Variants in ALDH2 observed in about 807,000 individuals in gnomAD.
The protein encoded by ALDH2 is aldehyde dehydrogenase, mitochondrial.
In ALDH2, 44 loss-of-function variants were observed where a neutral mutation model predicts 59.6. The observed-to-expected ratio is 0.74, with a 90% CI of 0.58 to 0.95. The LOEUF (loss-of-function observed/expected upper bound fraction) is 0.95, where lower values mean the gene tolerates loss of function less well. Among genes scored for constraint, ALDH2 ranks in the 40% least tolerant of loss-of-function variants. ALDH2 has a pLI of 0.00. For missense variants in ALDH2, 570 were observed against 696.3 expected (o/e 0.82, Z 2.04); for synonymous variants, 291 against 284.0 (o/e 1.02, Z -0.25).
chr12:111,792,594 G>T lies in ALDH2; in HGVS notation c.899-4G>T. ...CCTTTCTGTCTCCTGCCCACTTCCCGCAGTGGATTGGGCCGTGGAACAGGC... is the reference window on the plus strand; with the variant it reads ...CCTTTCTGTCTCCTGCCCACTTCCCTCAGTGGATTGGGCCGTGGAACAGGC... On this transcript the variant is annotated splice_polypyrimidine_tract_variant and splice_region_variant and intron_variant, in intron 8 of 12. Transcript: ENST00000261733. 6.2e-7 allele frequency: 1 copy of T among 1,609,680 alleles called. No individual in the cohort carries two copies. The highest frequency in any genetic ancestry group is 8.5e-7 in the Non-Finnish European group (1 of 1,178,864).
chr12:111,800,939 A>G (rs1429587804), intron 11 of ALDH2, among the ~76,000 whole-genome samples: 2 of 152,222 alleles, frequency 1.3e-5, no homozygotes, highest in Non-Finnish European at 2.9e-5. Flanking sequence ...CTGTAGATGA[A>G]TGGATACAGA....
In ALDH2 at chr12:111,792,719, TG is replaced by T; in HGVS notation, c.1021del (p.Ala341ProfsTer70). ...ATGATGAGTTTGTGGAGCGGAGCGT[TG>T]CCCGGGCCAAGTCTCGGGTGGTCGG... ...IYDEFVERSV[A>X]RAKSRVVGNP... On this transcript the variant is annotated frameshift_variant, in exon 9 of 13. Coordinates refer to ENST00000261733, the MANE Select transcript of ALDH2 (RefSeq NM_000690.4). LOFTEE classifies it high-confidence loss of function. 1 of 1,584,442 alleles carries T rather than the reference TG, an allele frequency of 6.3e-7. No individual in the cohort carries two copies. The highest frequency in any genetic ancestry group is 8.6e-7 in the Non-Finnish European group (1 of 1,165,978).
At chr12:111,804,100 G>A (rs372934730) in intron 12 of ALDH2, 127 bp downstream of exon 12, 14 of 568,554 alleles carry the variant, frequency 2.5e-5, no homozygotes, top group East Asian at 1.4e-4. Flanking sequence ...AGGACCTGCC[G>A]GGGACTCAGG....
rs563421472 is a variant in ALDH2, at chr12:111,772,089, A to G, written c.114+4993A>G. ...ACTCCAGCCTGGGTGACAGAGTGAC[A>G]CTTCGTCTGAAAAAAAACTCCCCAA... On this transcript the variant is annotated intron_variant, in intron 1 of 12. Coordinates refer to ENST00000261733, the MANE Select transcript of ALDH2 (RefSeq NM_000690.4). Among the ~76,000 whole-genome samples, 104 of 152,150 alleles carry G rather than the reference A, an allele frequency of 6.8e-4. 1 individual carries two copies. The South Asian group carries it at 0.018, about 27-fold the overall frequency.
At chr12:111,800,196 G>A (rs1039003577) in intron 11 of ALDH2, 133 bp downstream of exon 11, 25 of 1,108,066 alleles carry the variant, frequency 2.3e-5, no homozygotes, top group Middle Eastern at 3.1e-4. Context: ...GTGTGATGTC[G>A]ATTTGAGAGG....
chr12:111,800,033 T>C lies in ALDH2; in HGVS notation c.1376T>C (p.Leu459Pro). The change falls in exon 11 of 13, where the codon CTG (leucine) becomes CCG (proline). Residue 459 changes from leucine to proline, a missense_variant. Leu to Pro is a moderately conservative substitution (Grantham distance 98). Coordinates refer to ENST00000261733, the MANE Select transcript of ALDH2 (RefSeq NM_000690.4). ...FTKDLDKANY[L>P]SQALQAGTVW... is the part of the protein sequence containing the mutation. The stretch of plus-strand genomic sequence containing the variant: ...AAGGATTTGGACAAGGCCAATTACC[T>C]GTCCCAGGCCCTCCAGGCGGGCACT... 3 of 1,613,398 alleles carry C rather than the reference T, an allele frequency of 1.9e-6. No individual in the cohort carries two copies. The highest frequency in any genetic ancestry group is 1.1e-5 in the South Asian group (1 of 90,974).
chr12:111,798,588 G>A (rs1267734597), intron 10 of ALDH2, among the ~76,000 whole-genome samples: 1 of 151,772 alleles, frequency 6.6e-6, no homozygotes, highest in Non-Finnish European at 1.5e-5. Flanking sequence ...AGGCTGGAGT[G>A]CAGTGGCATA....
chr12:111,804,294 A>G (rs1454697675), intron 12 of ALDH2, among the ~76,000 whole-genome samples: 3 of 152,144 alleles, frequency 2.0e-5, no homozygotes, highest in Admixed American at 2.0e-4. Context: ...CTGTCCCATG[A>G]GAAATACTGA....
intron 3 of ALDH2, 92 bp from the exon 4 acceptor site, chr12:111,785,175 C>T: frequency 3.0e-6 from 3 of 1,013,922 alleles, no homozygotes; most frequent in African/African-American, 1.6e-5. Context: ...TGCACCAGCC[C>T]TTCTCAGTCC....
intron 10 of ALDH2, 75 bp downstream of exon 10, chr12:111,798,317 A>T: frequency 6.8e-7 from 1 of 1,462,398 alleles, no homozygotes; most frequent in South Asian, 1.4e-5. Flanking sequence ...TGGCATCCTG[A>T]TGCTGTCACC....
intron 3 of ALDH2, 110 bp from the exon 4 acceptor site, chr12:111,785,157 C>A: frequency 1.2e-6 from 1 of 848,364 alleles, no homozygotes; most frequent in Non-Finnish European, 2.1e-6. Flanking sequence ...GGACTCTCAC[C>A]CTGGGCTTGC....
chr12:111,778,001 C>T lies in ALDH2; in HGVS notation c.115-3917C>T, dbSNP rs374137756. On this transcript the variant is annotated intron_variant, in intron 1 of 12. Coordinates refer to ENST00000261733, the MANE Select transcript of ALDH2 (RefSeq NM_000690.4). ...TGCGGGTTCCACCATAGAGATTATG[C>T]GGAACAAATTTCAGCCTGGGAATAT... 2.5e-4 allele frequency among the ~76,000 whole-genome samples: 38 copies of T among 152,276 alleles called. 1 individual carries two copies. The South Asian group carries it at 6.8e-3, about 27-fold the overall frequency.
rs751415641 is a variant in ALDH2, at chr12:111,798,231, G to A, written c.1237G>A (p.Ala413Thr). 7.1e-6 allele frequency: 11 copies of A among 1,556,630 alleles called. No homozygotes were observed. The highest frequency in any genetic ancestry group is 1.9e-5 in the Admixed American group (1 of 53,554). Residue 413 changes from alanine (A) to threonine (T), a missense_variant, in exon 10 of 13, where the codon GCC (alanine) becomes ACC (threonine). Coordinates refer to ENST00000261733, the MANE Select transcript of ALDH2 (RefSeq NM_000690.4). The part of the protein sequence containing the change: ...FGDVQDGMTI[A>T]KEEIFGPVMQ... ...AGATGTGCAGGATGGCATGACCATCGCCAAGGAGGAGGTGAGCACTTGGGG... is the reference window on the plus strand; with the variant it reads ...AGATGTGCAGGATGGCATGACCATCACCAAGGAGGAGGTGAGCACTTGGGG...
chr12:111,786,665 C>T (rs1433455185), intron 4 of ALDH2, among the ~76,000 whole-genome samples: 1 of 151,990 alleles, frequency 6.6e-6, no homozygotes, highest in Non-Finnish European at 1.5e-5. Context: ...CCCACTTCAG[C>T]CTCCTAAGTA....
intron 12 of ALDH2, among the ~76,000 whole-genome samples, chr12:111,804,772 A>G (rs1227204939): frequency 6.6e-6 from 1 of 151,978 alleles, no homozygotes; most frequent in African/African-American, 2.4e-5. Flanking sequence ...AGAAAAGAAA[A>G]AAGAATTAGC....
chr12:111,789,166 C>T (rs553215937), intron 4 of ALDH2, among the ~76,000 whole-genome samples: 169 of 150,038 alleles, frequency 1.1e-3, no homozygotes, highest in African/African-American at 3.9e-3. Flanking sequence ...TACAGGCACC[C>T]GCCACCACGC....
In ALDH2 at chr12:111,801,678, G is replaced by A. The variant is rs368288474; in HGVS notation, c.1406+1615G>A. ...CATGCCACTGCGCTCCAGCCTGAGC[G>A]ATAGAGTGAGACTCCAAAAAAAAAA... On this transcript the variant is annotated intron_variant, in intron 11 of 12. Coordinates refer to ENST00000261733, the MANE Select transcript of ALDH2 (RefSeq NM_000690.4). 3.4e-5 allele frequency among the ~76,000 whole-genome samples: 5 copies of A among 147,204 alleles called. No homozygotes were observed. In the South Asian group the frequency reaches 6.4e-4, roughly 19 times the overall value.
chr12:111,807,030 G>T (rs2068500926), intron 12 of ALDH2, among the ~76,000 whole-genome samples: 1 of 152,006 alleles, frequency 6.6e-6, no homozygotes, highest in Non-Finnish European at 1.5e-5. Flanking sequence ...ACTTTGGGAG[G>T]CCGAGGTGGG....
intron 1 of ALDH2, among the ~76,000 whole-genome samples, chr12:111,778,786 T>C (rs1268095447): frequency 6.6e-6 from 1 of 150,418 alleles, no homozygotes; most frequent in African/African-American, 2.4e-5. Context: ...TGAGCTGAGA[T>C]TGCGCCACTG....
Sources: gnomAD v4.1 joint callset for allele counts (sites outside exome capture counted in the v4.1 genomes callset) on GRCh38, gnomAD v4.1.1 for gene constraint, MANE v1.5 for transcripts, NCBI Gene and HGNC (gene_info 2026-07-23, HGNC 2026-07-21) for gene names.